HVCN1: variants seen among roughly 807,000 people sequenced by gnomAD.
HVCN1 encodes the protein hydrogen voltage gated channel 1, also known as voltage-gated hydrogen channel 1.
Under a neutral mutation model 29.2 loss-of-function variants are expected in HVCN1, and 14 were observed. The observed-to-expected ratio is 0.48, with a 90% CI of 0.32 to 0.75. HVCN1 has a LOEUF of 0.75. Among genes scored for constraint, HVCN1 ranks in the 30% least tolerant of loss-of-function variants. The probability of loss-of-function intolerance (pLI) is 0.04; values close to 1 mark genes in which losing one functional copy is unlikely to be tolerated. For missense variants in HVCN1, 263 were observed against 341.8 expected (o/e 0.77, Z 1.82); for synonymous variants, 131 against 133.2 (o/e 0.98, Z 0.11).
intron 1 of HVCN1, among the ~76,000 whole-genome samples, chr12:110,702,670 T>C (rs75514138): frequency 6.6e-6 from 1 of 150,750 alleles, no homozygotes; most frequent in Non-Finnish European, 1.5e-5. Context: ...TTTTTTTTTT[T>C]TGAGATGGAG....
At chr12:110,668,647 A>G (rs377747201) in intron 3 of HVCN1, among the ~76,000 whole-genome samples, 4 of 152,160 alleles carry the variant, frequency 2.6e-5, no homozygotes, top group African/African-American at 9.7e-5. Flanking sequence ...TTGTGGCTTA[A>G]GTGACACTGA....
Position 110,650,600 on chromosome 12 carries a change from C to T in HVCN1, c.644-320G>A, listed in dbSNP as rs1479645432. ...ACAACAGCGGTGTCCATAGATGCCA[C>T]GAAAGCACAGGCTGGGAAATGCCCC... is the stretch of plus-strand genomic sequence containing the variant. On this transcript the variant is annotated intron_variant, in intron 6 of 7. Transcript: ENST00000242607. Among the ~76,000 whole-genome samples, 6 of 152,198 alleles carry T rather than the reference C, an allele frequency of 3.9e-5. No individual in the cohort carries two copies. The East Asian group carries it at 5.8e-4, about 15-fold the overall frequency.
intron 3 of HVCN1, among the ~76,000 whole-genome samples, chr12:110,665,879 G>T (rs1046136246): frequency 6.6e-6 from 1 of 151,810 alleles, no homozygotes; most frequent in African/African-American, 2.4e-5. Context: ...CGTGGCACAT[G>T]CCTGTAATCC....
At chr12:110,680,197 A>G (rs1489440217) in intron 3 of HVCN1, among the ~76,000 whole-genome samples, 1 of 152,122 alleles carries the variant, frequency 6.6e-6, no homozygotes, top group Non-Finnish European at 1.5e-5. Flanking sequence ...CCAGCCCCCC[A>G]GCAATGTCCT....
At chr12:110,667,640 C>T (rs1158355390) in intron 3 of HVCN1, among the ~76,000 whole-genome samples, 3 of 152,044 alleles carry the variant, frequency 2.0e-5, no homozygotes, top group Non-Finnish European at 4.4e-5. Context: ...CTATGTTGCC[C>T]AGGCTGGTCT....
chr12:110,682,307 C>G (rs1164221416), intron 3 of HVCN1, among the ~76,000 whole-genome samples: 1 of 152,122 alleles, frequency 6.6e-6, no homozygotes, highest in African/African-American at 2.4e-5. Context: ...TCAAGCAATT[C>G]TCCTGCCTCA....
rs1030675653 is a variant in HVCN1, at chr12:110,658,731, G to A, written c.306+2433C>T. Among the ~76,000 whole-genome samples, 36 of 152,264 alleles carry A rather than the reference G, an allele frequency of 2.4e-4. No individual in the cohort carries two copies. The highest frequency in any genetic ancestry group is 1.9e-3 in the South Asian group (9 of 4,824). On this transcript the variant is annotated intron_variant, in intron 4 of 7. Coordinates refer to ENST00000242607, the MANE Select transcript of HVCN1 (RefSeq NM_032369.4). This position sits in a 1 kb window ranked among gnomAD's most constrained non-coding sequence, Gnocchi z 5.0. ...AATGTGTGTCTCAGTGATGGCTCCC[G>A]TCATTCCTGCCTTTCTGCAGCCTGC... is the stretch of plus-strand genomic sequence containing the variant.
upstream of HVCN1, among the ~76,000 whole-genome samples, chr12:110,690,530 G>A (rs1276746805): frequency 6.6e-6 from 1 of 152,136 alleles, no homozygotes; most frequent in South Asian, 2.1e-4. Context: ...AGCCTGGAGT[G>A]CAGTGGTGCG....
intron 3 of HVCN1, among the ~76,000 whole-genome samples, chr12:110,681,517 G>T (rs768252789): frequency 6.6e-6 from 1 of 152,138 alleles, no homozygotes; most frequent in African/African-American, 2.4e-5. Context: ...ATTTAATAGG[G>T]AACTACAAAT....
chr12:110,700,603 T>C (rs2069554727), intron 2 of HVCN1, among the ~76,000 whole-genome samples: 1 of 152,142 alleles, frequency 6.6e-6, no homozygotes, highest in African/African-American at 2.4e-5. Context: ...CTCTCTCTCT[T>C]TTTTTGTTTG....
chr12:110,677,086 T>C (rs772593335), intron 3 of HVCN1, among the ~76,000 whole-genome samples: 2 of 152,052 alleles, frequency 1.3e-5, no homozygotes, highest in African/African-American at 2.4e-5. Flanking sequence ...TCGCCTCTAG[T>C]CCCAGTTACT....
At chr12:110,659,931 T>C (rs1233125682) in intron 4 of HVCN1, among the ~76,000 whole-genome samples, 2 of 151,392 alleles carry the variant, frequency 1.3e-5, no homozygotes, top group African/African-American at 2.4e-5. Context: ...CCAGGTGTGG[T>C]GGCAGGCACC....
intron 1 of HVCN1, among the ~76,000 whole-genome samples, chr12:110,703,241 G>GC (rs1361532632): frequency 2.0e-5 from 3 of 147,378 alleles, no homozygotes; most frequent in Non-Finnish European, 4.5e-5. Context: ...TTAAAAATTA[G>GC]CTGGATGTGC....
chr12:110,677,422 T>C (rs1270452250), intron 3 of HVCN1, among the ~76,000 whole-genome samples: 1 of 152,170 alleles, frequency 6.6e-6, no homozygotes, highest in Non-Finnish European at 1.5e-5. Context: ...CACCCTGTCC[T>C]CTATCTTCTT....
Position 110,661,379 on chromosome 12 carries a change from C to T in HVCN1, c.91G>A (p.Val31Met), listed in dbSNP as rs773321967. ...TTCCAGGCATGGTAGTCGTCTCCCACGACCGTGAAGTGCCTTAAGAACTTG... is the reference window on the plus strand; with the variant it reads ...TTCCAGGCATGGTAGTCGTCTCCCATGACCGTGAAGTGCCTTAAGAACTTG... ...MSKFLRHFTV[V>M]GDDYHAWNIN... is the part of the protein sequence containing the mutation. Residue 31 changes from valine to methionine, a missense_variant, in exon 4 of 8, where the codon GTG becomes ATG. By Grantham distance (21) the Val-to-Met change is conservative (BLOSUM62 1). Around this residue, in one of 3 missense-constraint regions of HVCN1, gnomAD observed 157 missense variants for 181.3 expected, o/e 0.87. Transcript: ENST00000242607. This position sits in a 1 kb window ranked among gnomAD's most constrained non-coding sequence, Gnocchi z 6.2. The T allele has an allele frequency of 1.1e-5, 18 of 1,614,104 alleles. No individual in the cohort carries two copies. The highest frequency in any genetic ancestry group is 2.2e-5 in the East Asian group (1 of 44,894).
intron 2 of HVCN1, among the ~76,000 whole-genome samples, chr12:110,687,622 CA>C (rs2069243335): frequency 6.6e-6 from 1 of 151,964 alleles, no homozygotes; most frequent in Non-Finnish European, 1.5e-5. Context: ...GATGAGGCGG[CA>C]AGAGATGCTG....
chr12:110,702,516 T>C (rs113511140), intron 1 of HVCN1: 13,740 of 152,120 alleles, frequency 0.09, 692 homozygotes, highest in African/African-American at 0.12. Context: ...AGAGTCTTGC[T>C]CTGTCACTCA....
At chr12:110,680,327 C>T (rs1042524076) in intron 3 of HVCN1, among the ~76,000 whole-genome samples, 41 of 152,184 alleles carry the variant, frequency 2.7e-4, no homozygotes, top group Admixed American at 1.7e-3. Flanking sequence ...ATCCCTACTT[C>T]CCTTGCTGTC....
chr12:110,653,867 G>A (rs2067898748), intron 5 of HVCN1, among the ~76,000 whole-genome samples: 2 of 152,142 alleles, frequency 1.3e-5, no homozygotes, highest in South Asian at 4.1e-4. Context: ...TGGGATGAGT[G>A]AATAAAAGTG....
Sources: gnomAD v4.1 joint callset for allele counts (sites outside exome capture counted in the v4.1 genomes callset) on GRCh38, gnomAD v4.1.1 for gene constraint, gnomAD v4.1.1 regional missense constraint, Gnocchi (gnomAD v3.1) non-coding constraint, MANE v1.5 for transcripts, NCBI Gene and HGNC (gene_info 2026-07-23, HGNC 2026-07-21) for gene names.